TRPV1: variants seen among roughly 807,000 people sequenced by gnomAD.
The protein encoded by TRPV1 is transient receptor potential cation channel subfamily V member 1.
Under a neutral mutation model 82.3 loss-of-function variants are expected in TRPV1, and 82 were observed. That is an observed-to-expected ratio of 1.00 (90% CI 0.83 to 1.20). The LOEUF (loss-of-function observed/expected upper bound fraction) is 1.20, where lower values mean the gene tolerates loss of function less well. Among genes scored for constraint, TRPV1 ranks in the 50% most tolerant of loss-of-function variants. The pLI, the probability that TRPV1 is intolerant of heterozygous loss-of-function variation, is 0.00. For synonymous variants in TRPV1, 515 were observed against 467.7 expected (o/e 1.10, Z -1.30); for missense variants, 1,067 against 1,096.8 (o/e 0.97, Z 0.38).
At chr17:3,582,097 G>A (rs2075026591) in intron 10 of TRPV1, among the ~76,000 whole-genome samples, 1 of 148,176 alleles carries the variant, frequency 6.7e-6, no homozygotes, top group Non-Finnish European at 1.5e-5. Flanking sequence ...GGCTGAGGCA[G>A]GAGAATGGCG....
At chr17:3,583,489 G>T in intron 9 of TRPV1, 59 bp from the exon 10 acceptor site, 1 of 1,364,232 alleles carries the variant, frequency 7.3e-7, no homozygotes, top group Non-Finnish European at 1.0e-6. Flanking sequence ...CAACAAACAT[G>T]GACCAGGTCC....
chr17:3,590,058 C>T lies in TRPV1; in HGVS notation c.793G>A (p.Val265Met), dbSNP rs763916940. The T allele has an allele frequency of 8.8e-6, 14 of 1,597,568 alleles. No homozygotes were observed. The highest frequency in any genetic ancestry group is 1.6e-4 in the Middle Eastern group (1 of 6,066). Residue 265 changes from valine to methionine, a missense_variant, in exon 7 of 17, where the codon GTG (valine) becomes ATG (methionine). By Grantham distance (21) the Val-to-Met change is conservative. Coordinates refer to ENST00000572705, the MANE Select transcript of TRPV1 (RefSeq NM_080704.4). ...CAGGAGTTCTGCAGCAGGAACTTCA[C>T]GATGCCCAGCTGGTTGGTGCACGCG... ...LAACTNQLGI[V>M]KFLLQNSWQT...
intron 16 of TRPV1, among the ~76,000 whole-genome samples, chr17:3,569,728 C>G (rs2150822821): frequency 1.3e-5 from 2 of 152,312 alleles, no homozygotes; most frequent in East Asian, 3.9e-4. Flanking sequence ...TTGCTAAGAG[C>G]TGAGCTGTGC....
chr17:3,577,699 C>T lies in TRPV1; in HGVS notation c.1612G>A (p.Val538Met). 1 of 1,589,936 alleles carries T rather than the reference C, an allele frequency of 6.3e-7. No homozygotes were observed. The highest frequency in any genetic ancestry group is 8.6e-7 in the Non-Finnish European group (1 of 1,168,720). The change falls in exon 12 of 17, where the codon GTG becomes ATG. Residue 538 changes from valine to methionine, a missense_variant. Transcript: ENST00000572705. ...GCCAGGGAGAATACCATGGAAGCCACATACTCCTTGAGGTGGCTGAAGTAC... is the reference window on the plus strand; with the variant it reads ...GCCAGGGAGAATACCATGGAAGCCATATACTCCTTGAGGTGGCTGAAGTAC... ...VLYFSHLKEY[V>M]ASMVFSLALG...
chr17:3,569,109 G>A (rs2074813455), intron 16 of TRPV1, among the ~76,000 whole-genome samples: 2 of 151,980 alleles, frequency 1.3e-5, no homozygotes, highest in South Asian at 4.2e-4. Context: ...ACACACCGGG[G>A]CCTGTTGTGG....
chr17:3,603,770 C>T (rs369237939), intron 2 of TRPV1, among the ~76,000 whole-genome samples: 2 of 152,180 alleles, frequency 1.3e-5, no homozygotes, highest in African/African-American at 4.8e-5. Context: ...TGATGAGTCA[C>T]GCAAGTGAGC....
chr17:3,591,545 C>G (rs140611086), intron 3 of TRPV1, among the ~76,000 whole-genome samples, 192 bp from the exon 4 acceptor site: 246 of 152,310 alleles, frequency 1.6e-3, no homozygotes, highest in Middle Eastern at 6.8e-3. Context: ...GGCATGTGTC[C>G]CCATTCTGTC....
intron 2 of TRPV1, among the ~76,000 whole-genome samples, chr17:3,595,037 G>A (rs1319666730): frequency 2.0e-5 from 3 of 152,228 alleles, no homozygotes; most frequent in African/African-American, 7.2e-5. Context: ...TTGGAAGCCT[G>A]GGGGGCCGGG....
intron 9 of TRPV1, 145 bp from the exon 10 acceptor site, chr17:3,583,575 G>A (rs577446878): frequency 9.9e-6 from 7 of 707,078 alleles, no homozygotes; most frequent in South Asian, 4.1e-5. Context: ...TGTTATTAGG[G>A]GAGCGCCCGC....
intron 7 of TRPV1, among the ~76,000 whole-genome samples, chr17:3,589,137 T>A (rs985849516): frequency 1.3e-5 from 2 of 151,822 alleles, no homozygotes; most frequent in African/African-American, 4.8e-5. Flanking sequence ...GCCATCAGCC[T>A]TGTTACCTAA....
chr17:3,583,405 C>G lies in TRPV1; in HGVS notation c.1409G>C (p.Gly470Ala), dbSNP rs1234100009. The change falls in exon 10 of 17, where the codon GGA (glycine) becomes GCA (alanine). Residue 470 changes from glycine to alanine, a missense_variant. Coordinates refer to ENST00000572705, the MANE Select transcript of TRPV1 (RefSeq NM_080704.4). The stretch of plus-strand genomic sequence containing the variant: ...CTCTCCAGTAACTCGGAAATAGTCT[C>G]CAGTTTTTTCCATCTTAAAGGGAGG... The part of the protein sequence containing the change: ...GLPPFKMEKT[G>A]DYFRVTGEIL... 6.2e-7 allele frequency: 1 copy of G among 1,607,990 alleles called. No individual in the cohort carries two copies. Among genetic ancestry groups the G allele is most frequent in the Non-Finnish European group, 8.5e-7 (1 of 1,177,192 alleles).
At chr17:3,567,828 C>T (rs1376917477) in intron 16 of TRPV1, among the ~76,000 whole-genome samples, 1 of 151,838 alleles carries the variant, frequency 6.6e-6, no homozygotes, top group African/African-American at 2.4e-5. Flanking sequence ...AACCTCCAAC[C>T]ATCCCCCATC....
chr17:3,582,059 G>C (rs1258458198), intron 10 of TRPV1, among the ~76,000 whole-genome samples: 2 of 140,812 alleles, frequency 1.4e-5, no homozygotes, highest in East Asian at 4.1e-4. Flanking sequence ...GCGTGGTGGC[G>C]GGTGCCTGTA....
Position 3,577,680 on chromosome 17 carries a change from G to T in TRPV1, c.1631C>A (p.Ser544Tyr), listed in dbSNP as rs201416150. ...LKEYVASMVF[S>Y]LALGWTNMLY... ...CATGTTGGTCCAGCCCAAGGCCAGG[G>T]AGAATACCATGGAAGCCACATACTC... The change falls in exon 12 of 17, where the codon TCC becomes TAC. Residue 544 changes from serine to tyrosine, a missense_variant. Ser to Tyr is a moderately radical substitution (Grantham distance 144). Transcript: ENST00000572705. 14 of 1,588,714 alleles carry T rather than the reference G, an allele frequency of 8.8e-6. No individual in the cohort carries two copies. Among genetic ancestry groups the T allele is most frequent in the Non-Finnish European group, 1.2e-5 (14 of 1,168,076 alleles).
chr17:3,587,105 T>A (rs1161236811), intron 8 of TRPV1, among the ~76,000 whole-genome samples: 1 of 152,212 alleles, frequency 6.6e-6, no homozygotes, highest in African/African-American at 2.4e-5. Context: ...GACATGAAGA[T>A]GTCAGTGGTG....
intron 13 of TRPV1, among the ~76,000 whole-genome samples, chr17:3,575,474 C>A (rs2074917795): frequency 8.7e-6 from 1 of 114,638 alleles, no homozygotes; most frequent in South Asian, 3.8e-4. Context: ...CAGACAGAGA[C>A]TCCTTCTCAA....
At chr17:3,606,120 G>A (rs907195359) in intron 2 of TRPV1, among the ~76,000 whole-genome samples, 21 of 152,084 alleles carry the variant, frequency 1.4e-4, no homozygotes, top group Non-Finnish European at 2.2e-4. Context: ...CACCATGCCC[G>A]GCTAATTTTT....
intron 9 of TRPV1, chr17:3,585,342 G>T (rs950686402): frequency 6.0e-5 from 10 of 167,370 alleles, no homozygotes; most frequent in Non-Finnish European, 1.2e-4. Flanking sequence ...GTAGAGACGG[G>T]GTTTCACCAT....
At chr17:3,590,568 C>A (rs1353271888) in intron 5 of TRPV1, among the ~76,000 whole-genome samples, 176 bp from the exon 6 acceptor site, 1 of 152,136 alleles carries the variant, frequency 6.6e-6, no homozygotes, top group Admixed American at 6.5e-5. Flanking sequence ...GGGGTCCCAG[C>A]AAGGTCCTGA....
Sources: allele counts gnomAD v4.1 joint callset (sites outside exome capture counted in the v4.1 genomes callset), GRCh38; gene constraint gnomAD v4.1.1; transcripts MANE v1.5; gene names NCBI Gene and HGNC (gene_info 2026-07-23, HGNC 2026-07-21).